The following DYRK1A variants were observed in gnomAD, a reference collection of about 807,000 sequenced individuals.
DYRK1A encodes the protein dual specificity tyrosine-phosphorylation-regulated kinase 1A.
In DYRK1A, 9 loss-of-function variants were observed where a neutral mutation model predicts 79.7. The ratio of observed to expected loss-of-function variants is 0.11; its 90% CI spans 0.07 to 0.20. DYRK1A has a LOEUF of 0.20. Among genes scored for constraint, DYRK1A ranks in the 10% least tolerant of loss-of-function variants. The pLI, the probability that DYRK1A is intolerant of heterozygous loss-of-function variation, is 1.00. For synonymous variants in DYRK1A, 349 were observed against 329.7 expected, an observed-to-expected ratio of 1.06 and a Z score of -0.63; for missense variants, 622 against 956.0, an observed-to-expected ratio of 0.65 and a Z score of 4.61.
intron 1 of DYRK1A, among the ~76,000 whole-genome samples, chr21:37,409,800 G>A (rs1480535186): frequency 2.6e-5 from 4 of 152,030 alleles, no homozygotes; most frequent in African/African-American, 9.7e-5. Context: ...CTGTGCTTTG[G>A]GAAGGGCTTT....
intron 5 of DYRK1A, among the ~76,000 whole-genome samples, chr21:37,485,924 A>ATT (rs36055374): frequency 6.6e-6 from 1 of 151,026 alleles, no homozygotes; most frequent in Non-Finnish European, 1.5e-5. Context: ...TTTGTGTTTG[A>ATT]TTTTTTTTTA....
rs539347143 is a variant in DYRK1A at position 37,420,304 on chromosome 21, T to C, written c.-71T>C. 15 of 1,413,182 alleles carry C rather than the reference T, an allele frequency of 1.1e-5. No individual in the cohort carries two copies. Among genetic ancestry groups the C allele is most frequent in the East Asian group, 2.3e-5 (1 of 43,478 alleles). The allele number at this position is 1,413,182 out of a possible 1,614,324, so 87.5% of individuals were successfully genotyped here. ...ATCTGTTTTTCTTCACACAGTGTTATAGTTTTGCCGCTGGACTCTTCCCTC... is the reference window on the plus strand; with the variant it reads ...ATCTGTTTTTCTTCACACAGTGTTACAGTTTTGCCGCTGGACTCTTCCCTC... On this transcript the variant is annotated 5_prime_UTR_variant, in exon 2 of 12. Transcript: ENST00000647188.
At chr21:37,462,453 G>A (rs1428335302) in intron 2 of DYRK1A, among the ~76,000 whole-genome samples, 4 of 152,160 alleles carry the variant, frequency 2.6e-5, no homozygotes, top group Non-Finnish European at 5.9e-5. Context: ...TTGAATGTCT[G>A]TGGGTTTCTC....
At chr21:37,366,040 T>G (rs1259911009), upstream of DYRK1A, 1 of 151,634 alleles carries the variant, frequency 6.6e-6, no homozygotes, top group Non-Finnish European at 1.5e-5. Flanking sequence ...GGCGCGGCGG[T>G]GGCTCCTCCC....
At position 37,397,700 on chromosome 21, in the gene DYRK1A, A is replaced by C. The variant is rs192446006; in HGVS notation, c.-76-22599A>C. ...ATTGCCTGGGGTCCTTGTTCAAAAT[A>C]TAGGTTCAGGCCTTACCCTCTGGAG... On this transcript the variant is annotated intron_variant, in intron 1 of 11. Coordinates refer to ENST00000647188, the MANE Select transcript of DYRK1A (RefSeq NM_001347721.2). Among the ~76,000 whole-genome samples the C allele has an allele frequency of 2.0e-5, 3 of 152,254 alleles. No homozygotes were observed. The East Asian group carries it at 5.8e-4, about 29-fold the overall frequency.
intron 1 of DYRK1A, among the ~76,000 whole-genome samples, chr21:37,386,290 C>T (rs1005069971): frequency 1.3e-5 from 2 of 152,202 alleles, no homozygotes; most frequent in Admixed American, 1.3e-4. Context: ...CATCCCAAAA[C>T]CATCTCTCCA....
At position 37,401,320 on chromosome 21, in the gene DYRK1A, G is replaced by A. The variant is rs2050048680; in HGVS notation, c.-76-18979G>A. ...AAGGTGCCAGTGGAAAGTTTTCATG[G>A]TCATGAGCCAATCATGAACATAAAC... On this transcript the variant is annotated intron_variant, in intron 1 of 11. Transcript: ENST00000647188. Among the ~76,000 whole-genome samples the A allele has an allele frequency of 2.0e-5, 3 of 151,970 alleles. No homozygotes were observed. In the South Asian group the frequency reaches 6.2e-4, roughly 32 times the overall value.
At chr21:37,454,046 A>G (rs550718481) in intron 2 of DYRK1A, among the ~76,000 whole-genome samples, 21 of 141,994 alleles carry the variant, frequency 1.5e-4, no homozygotes, top group African/African-American at 2.9e-4. Context: ...TGAGTCCTCA[A>G]TCTCCTACAT....
At chr21:37,449,802 G>T (rs540201830) in intron 2 of DYRK1A, among the ~76,000 whole-genome samples, 1 of 152,096 alleles carries the variant, frequency 6.6e-6, no homozygotes, top group East Asian at 1.9e-4. Context: ...GTGATGGCCC[G>T]CATTCTTCAT....
intron 7 of DYRK1A, among the ~76,000 whole-genome samples, chr21:37,491,411 C>T (rs909237598): frequency 1.3e-5 from 2 of 152,010 alleles, no homozygotes; most frequent in African/African-American, 4.8e-5. Context: ...TTAAAGAAAC[C>T]CGGCTAACAT....
At chr21:37,461,133 A>C (rs1420504524) in intron 2 of DYRK1A, among the ~76,000 whole-genome samples, 3 of 152,228 alleles carry the variant, frequency 2.0e-5, no homozygotes, top group Non-Finnish European at 4.4e-5. Context: ...AAAAAATGAT[A>C]CGTGCTTGTT....
chr21:37,463,787 C>G (rs2051932387), intron 2 of DYRK1A, among the ~76,000 whole-genome samples: 1 of 152,188 alleles, frequency 6.6e-6, no homozygotes, highest in Non-Finnish European at 1.5e-5. Flanking sequence ...TTTGGATGTG[C>G]CTTGTTGCTA....
chr21:37,394,711 G>GT (rs2148391906), intron 1 of DYRK1A, among the ~76,000 whole-genome samples: 1 of 152,254 alleles, frequency 6.6e-6, no homozygotes, highest in Admixed American at 6.5e-5. Context: ...AAGTAGAAGA[G>GT]TTTCATTCTG....
chr21:37,509,538 C>T (rs951151062), intron 11 of DYRK1A, among the ~76,000 whole-genome samples: 1 of 152,168 alleles, frequency 6.6e-6, no homozygotes, highest in African/African-American at 2.4e-5. Flanking sequence ...CCTTGAGCAC[C>T]TGGGCTCAAG....
intron 6 of DYRK1A, among the ~76,000 whole-genome samples, chr21:37,489,433 C>T (rs568190314): frequency 5.9e-5 from 9 of 152,194 alleles, no homozygotes; most frequent in African/African-American, 2.2e-4. Flanking sequence ...ACAGTGATAG[C>T]GACCTATGTA....
At chr21:37,468,931 A>G (rs780005284) in intron 2 of DYRK1A, among the ~76,000 whole-genome samples, 1 of 152,226 alleles carries the variant, frequency 6.6e-6, no homozygotes, top group Non-Finnish European at 1.5e-5. Flanking sequence ...GCTCGATCAT[A>G]TTCAGAATAT....
At chr21:37,407,652 G>GTAT (rs2148409732) in intron 1 of DYRK1A, among the ~76,000 whole-genome samples, 1 of 152,280 alleles carries the variant, frequency 6.6e-6, no homozygotes, top group East Asian at 1.9e-4. Context: ...TTAGCTCTAA[G>GTAT]TATAACAAAT....
intron 8 of DYRK1A, among the ~76,000 whole-genome samples, chr21:37,493,394 AG>A (rs773049469): frequency 6.6e-6 from 1 of 152,242 alleles, no homozygotes; most frequent in Non-Finnish European, 1.5e-5. Context: ...ACAGTTAGAA[AG>A]TGTTAAGTAT....
At chr21:37,403,649 ATAT>A (rs1224640126) in intron 1 of DYRK1A, among the ~76,000 whole-genome samples, 75 of 80,550 alleles carry the variant, frequency 9.3e-4, no homozygotes, top group Admixed American at 4.4e-3. Flanking sequence ...AAAAAAAAAA[ATAT>A]ATATATATAT....
Sources: gnomAD v4.1 joint callset for allele counts (sites outside exome capture counted in the v4.1 genomes callset) on GRCh38, gnomAD v4.1.1 for gene constraint, MANE v1.5 for transcripts, NCBI Gene and HGNC (gene_info 2026-07-23, HGNC 2026-07-21) for gene names.